ZNF804B: variants seen among roughly 807,000 people sequenced by gnomAD.
ZNF804B encodes the protein zinc finger protein 804B, also known as zinc finger 804B.
In ZNF804B, 80 loss-of-function variants were observed where a neutral mutation model predicts 101.4. That is an observed-to-expected ratio of 0.79 (90% CI 0.66 to 0.95). ZNF804B has a LOEUF of 0.95. Among genes scored for constraint, ZNF804B ranks in the 40% least tolerant of loss-of-function variants. The pLI is 0.00. For synonymous variants in ZNF804B, 622 were observed against 558.8 expected (o/e 1.11, Z -1.59); for missense variants, 1,673 against 1,561.9 (o/e 1.07, Z -1.20).
At chr7:89,138,822 C>A (rs558340310) in intron 1 of ZNF804B, among the ~76,000 whole-genome samples, 2 of 152,064 alleles carry the variant, frequency 1.3e-5, no homozygotes, top group Admixed American at 6.5e-5. Flanking sequence ...CTTTTTTTGC[C>A]TGCTGCCATT....
At chr7:88,841,208 AT>A (rs1319813440) in intron 1 of ZNF804B, among the ~76,000 whole-genome samples, 1 of 152,148 alleles carries the variant, frequency 6.6e-6, no homozygotes, top group Non-Finnish European at 1.5e-5. Context: ...TTTAGGATGA[AT>A]TTGGATCTGG....
At chr7:88,840,376 T>C (rs929030278) in intron 1 of ZNF804B, among the ~76,000 whole-genome samples, 3 of 152,166 alleles carry the variant, frequency 2.0e-5, no homozygotes, top group East Asian at 1.9e-4. Context: ...TGGATAAATA[T>C]GTTTTAAATG....
At chr7:89,166,577 T>C (rs1791147500) in intron 1 of ZNF804B, among the ~76,000 whole-genome samples, 2 of 152,192 alleles carry the variant, frequency 1.3e-5, no homozygotes, top group Admixed American at 1.3e-4. Context: ...CCATGGTACA[T>C]ATCAAGCAAT....
At chr7:89,038,051 C>A (rs1788956184) in intron 1 of ZNF804B, among the ~76,000 whole-genome samples, 1 of 152,124 alleles carries the variant, frequency 6.6e-6, no homozygotes, top group Admixed American at 6.6e-5. Context: ...ACATGCATAT[C>A]ATATTTTCTT....
At chr7:88,977,359 T>C (rs1490774446) in intron 1 of ZNF804B, among the ~76,000 whole-genome samples, 2 of 151,538 alleles carry the variant, frequency 1.3e-5, no homozygotes, top group African/African-American at 4.8e-5. Context: ...AATTTTACAA[T>C]GAAGCCATCA....
At chr7:88,975,043 T>C (rs1406626466) in intron 1 of ZNF804B, among the ~76,000 whole-genome samples, 2 of 151,586 alleles carry the variant, frequency 1.3e-5, no homozygotes, top group Non-Finnish European at 1.5e-5. Context: ...TGTCTTTCCA[T>C]GCCTGGCTTA....
intron 1 of ZNF804B, among the ~76,000 whole-genome samples, chr7:89,027,988 A>G (rs769786189): frequency 9.9e-5 from 15 of 152,120 alleles, no homozygotes; most frequent in Non-Finnish European, 1.9e-4. Context: ...TCAACGTTTT[A>G]CCACTGGAAT....
chr7:88,898,347 A>G (rs1374856585), intron 1 of ZNF804B, among the ~76,000 whole-genome samples: 1 of 151,640 alleles, frequency 6.6e-6, no homozygotes, highest in East Asian at 1.9e-4. Flanking sequence ...CGGCCTCCCA[A>G]CGTGCTGGGA....
At chr7:88,814,563 A>AC (rs1029990101) in intron 1 of ZNF804B, among the ~76,000 whole-genome samples, 7 of 152,056 alleles carry the variant, frequency 4.6e-5, no homozygotes, top group Non-Finnish European at 8.8e-5. Flanking sequence ...AGTTGAGGCA[A>AC]CTTAGTTCAT....
chr7:89,158,152 G>C (rs922105052), intron 1 of ZNF804B, among the ~76,000 whole-genome samples: 1 of 152,048 alleles, frequency 6.6e-6, no homozygotes, highest in African/African-American at 2.4e-5. Context: ...ATTCTGGTTT[G>C]AATCACTTTC....
rs148131244 is a variant in ZNF804B, at chr7:89,249,369, C to T, written c.249+31074C>T. Reference sequence around the variant, plus strand: ...ACATAGATCATACACCAAGGTTGACCACATGTTCAGCCATATAGCAGTTTT... The same window carrying T: ...ACATAGATCATACACCAAGGTTGACTACATGTTCAGCCATATAGCAGTTTT... On this transcript the variant is annotated intron_variant, in intron 2 of 3. Transcript: ENST00000333190. Among the ~76,000 whole-genome samples the T allele has an allele frequency of 2.4e-3, 359 of 152,208 alleles. 2 individuals are homozygous for T. Among genetic ancestry groups the T allele is most frequent in the African/African-American group, 8.3e-3 (344 of 41,536 alleles).
intron 1 of ZNF804B, among the ~76,000 whole-genome samples, chr7:89,113,018 T>C (rs975028689): frequency 2.6e-5 from 4 of 152,184 alleles, no homozygotes; most frequent in African/African-American, 9.7e-5. Context: ...ATACATATAA[T>C]TTATTGCTTA....
chr7:88,923,758 T>TAA (rs1370256673), intron 1 of ZNF804B, among the ~76,000 whole-genome samples: 1 of 152,102 alleles, frequency 6.6e-6, no homozygotes, highest in African/African-American at 2.4e-5. Flanking sequence ...TCTATGCTAA[T>TAA]AAACATAGAA....
At chr7:89,173,112 C>T (rs1013025531) in intron 1 of ZNF804B, among the ~76,000 whole-genome samples, 2 of 152,002 alleles carry the variant, frequency 1.3e-5, no homozygotes, top group Non-Finnish European at 2.9e-5. Context: ...AACAAAGGAC[C>T]TAAAATTAAT....
chr7:89,037,562 C>T (rs1788947244), intron 1 of ZNF804B, among the ~76,000 whole-genome samples: 1 of 147,394 alleles, frequency 6.8e-6, no homozygotes, highest in Non-Finnish European at 1.5e-5. Context: ...CAATGTAATG[C>T]ATGGATATAT....
intron 1 of ZNF804B, among the ~76,000 whole-genome samples, chr7:89,184,034 G>A (rs756994805): frequency 6.6e-6 from 1 of 152,090 alleles, no homozygotes; most frequent in East Asian, 1.9e-4. Context: ...AGGCTGGTCT[G>A]GTCTAAGATT....
chr7:88,857,233 C>T (rs1403224892), intron 1 of ZNF804B, among the ~76,000 whole-genome samples: 5 of 152,038 alleles, frequency 3.3e-5, no homozygotes, highest in African/African-American at 1.2e-4. Context: ...CATTCAAAAG[C>T]TAGCAGAAGG....
chr7:88,931,279 A>G (rs1029474097), intron 1 of ZNF804B, among the ~76,000 whole-genome samples: 2 of 151,952 alleles, frequency 1.3e-5, no homozygotes, highest in African/African-American at 2.4e-5. Flanking sequence ...TGCATGATAG[A>G]TAAGTAAATA....
chr7:89,114,642 T>C (rs1390798281), intron 1 of ZNF804B, among the ~76,000 whole-genome samples: 1 of 152,214 alleles, frequency 6.6e-6, no homozygotes, highest in Non-Finnish European at 1.5e-5. Context: ...TTAATGCAGG[T>C]AATTGATTAC....
Sources: gnomAD v4.1 joint callset for allele counts (sites outside exome capture counted in the v4.1 genomes callset) on GRCh38, gnomAD v4.1.1 for gene constraint, MANE v1.5 for transcripts, NCBI Gene and HGNC (gene_info 2026-07-23, HGNC 2026-07-21) for gene names.